Variants in LMBRD1 observed in about 807,000 individuals in gnomAD.
LMBRD1 encodes the protein lysosomal cobalamin transport escort protein LMBD1.
A neutral mutation model predicts 74.8 loss-of-function variants in LMBRD1; 64 were observed. That is an observed-to-expected ratio of 0.86 (90% CI 0.70 to 1.05). LMBRD1 has a LOEUF of 1.05. Among genes scored for constraint, LMBRD1 ranks in the 50% least tolerant of loss-of-function variants. LMBRD1 has a pLI of 0.00. For missense variants in LMBRD1, 652 were observed against 645.9 expected (o/e 1.01, Z -0.10); for synonymous variants, 204 against 216.3 (o/e 0.94, Z 0.50).
At chr6:69,697,515 A>G (rs1417516891) in intron 14 of LMBRD1, 48 bp downstream of exon 14, 1 of 1,267,956 alleles carries the variant, frequency 7.9e-7, no homozygotes, top group East Asian at 2.3e-5. Context: ...AAATGCCAGG[A>G]AATTCTTTTC....
intron 7 of LMBRD1, among the ~76,000 whole-genome samples, chr6:69,736,575 A>C (rs1766982831): frequency 1.3e-5 from 2 of 152,202 alleles, no homozygotes; most frequent in Admixed American, 1.3e-4. Flanking sequence ...CTTGACATTG[A>C]CATTACATAC....
intron 14 of LMBRD1, among the ~76,000 whole-genome samples, chr6:69,691,257 C>T (rs1765873022): frequency 6.6e-6 from 1 of 150,510 alleles, no homozygotes; most frequent in African/African-American, 2.4e-5. Context: ...AAACTGGAAT[C>T]CAGACATTTG....
At chr6:69,779,169 G>C (rs2502546) in intron 3 of LMBRD1, among the ~76,000 whole-genome samples, 2,013 of 135,878 alleles carry the variant, frequency 0.015, 32 homozygotes, top group East Asian at 0.081. Context: ...CTGGGCAACA[G>C]GGCGAGACTC....
intron 3 of LMBRD1, among the ~76,000 whole-genome samples, chr6:69,777,844 TA>T (rs749815503): frequency 6.6e-6 from 1 of 152,256 alleles, no homozygotes; most frequent in Non-Finnish European, 1.5e-5. Flanking sequence ...AAGAGATGGA[TA>T]AAAACTGTGT....
chr6:69,741,814 G>T lies in LMBRD1; in HGVS notation c.537C>A (p.Ser179=). 1 of 1,601,086 alleles carries T rather than the reference G, an allele frequency of 6.2e-7. No homozygotes were observed. The highest frequency in any genetic ancestry group is 2.2e-5 in the East Asian group (1 of 44,734). ...KNSTEWEKVK[S]LFEELGSSHG... is the part of the protein sequence containing the mutation. ...GACTACTTCCAAGTTCTTCAAATAG[G>T]GACTTCACTTTTTCCCACTCTGTAG... Residue 179 remains serine (S), a synonymous_variant, in exon 6 of 16, where the codon TCC becomes TCA. Transcript: ENST00000649934.
chr6:69,769,742 G>GT lies in LMBRD1; in HGVS notation c.307+10751dup, dbSNP rs58498427. 2.4e-3 allele frequency among the ~76,000 whole-genome samples: 355 copies of GT among 144,966 alleles called. 4 individuals are homozygous for GT. Among genetic ancestry groups the GT allele is most frequent in the African/African-American group, 3.2e-3 (129 of 40,142 alleles). On this transcript the variant is annotated intron_variant, in intron 3 of 15. Coordinates refer to ENST00000649934, the MANE Select transcript of LMBRD1 (RefSeq NM_018368.4). The stretch of plus-strand genomic sequence containing the variant: ...TATTTTTTTTAACGATTTTTTTAGT[G>GT]TTTTTTTTTTTTAATTTTTATCCCA...
intron 3 of LMBRD1, among the ~76,000 whole-genome samples, chr6:69,767,264 C>T (rs896936745): frequency 7.3e-5 from 11 of 151,242 alleles, no homozygotes; most frequent in Admixed American, 5.3e-4. Context: ...TCAGTTTGCT[C>T]TTCTTTTTCT....
chr6:69,707,967 G>T (rs1356376781), intron 9 of LMBRD1, among the ~76,000 whole-genome samples: 1 of 151,766 alleles, frequency 6.6e-6, no homozygotes, highest in East Asian at 1.9e-4. Flanking sequence ...ATAGACTGAG[G>T]CATATATATT....
intron 1 of LMBRD1, among the ~76,000 whole-genome samples, chr6:69,794,843 C>T (rs1185561196): frequency 6.6e-6 from 1 of 152,160 alleles, no homozygotes; most frequent in South Asian, 2.1e-4. Context: ...GTGGCCATGG[C>T]ATCATGTTAT....
intron 6 of LMBRD1, among the ~76,000 whole-genome samples, chr6:69,739,363 A>C (rs1767047271): frequency 6.6e-6 from 1 of 152,148 alleles, no homozygotes; most frequent in East Asian, 1.9e-4. Context: ...AGATACCTGA[A>C]GATGCATTCT....
chr6:69,736,198 C>G (rs954299504), intron 7 of LMBRD1, among the ~76,000 whole-genome samples: 1 of 152,166 alleles, frequency 6.6e-6, no homozygotes, highest in Non-Finnish European at 1.5e-5. Context: ...TTGACCCCCC[C>G]TCCGCCGACC....
chr6:69,705,224 T>C, intron 9 of LMBRD1: 1 of 636,516 alleles, frequency 1.6e-6, no homozygotes, highest in Non-Finnish European at 2.9e-6. Flanking sequence ...GACAGCCAGA[T>C]ATCAACTGCT....
chr6:69,718,973 G>C lies in LMBRD1; in HGVS notation c.745C>G (p.Gln249Glu), dbSNP rs549001067. 6.2e-7 allele frequency: 1 copy of C among 1,613,402 alleles called. No individual in the cohort carries two copies. The highest frequency in any genetic ancestry group is 1.1e-5 in the South Asian group (1 of 91,058). ...CAACTCACTTTTGATTTAATCGTTT[G>C]AATGTGTTGTTCTACTTCTTCAATG... ...EDIEEVEQHI[Q>E]TIKSKSKDGR... The change falls in exon 8 of 16, where the codon CAA becomes GAA. Residue 249 changes from glutamine (Q) to glutamate (E), a missense_variant. Physicochemically the swap from Gln to Glu is conservative, Grantham distance 29. Around this residue, in one of 3 missense-constraint regions of LMBRD1, gnomAD observed 598 missense variants for 581.8 expected, o/e 1.03. Transcript: ENST00000649934.
intron 4 of LMBRD1, among the ~76,000 whole-genome samples, chr6:69,751,249 A>G (rs1248522794): frequency 2.0e-5 from 3 of 152,080 alleles, no homozygotes; most frequent in Non-Finnish European, 4.4e-5. Flanking sequence ...AGTTGTTTAT[A>G]CCAATACTTA....
rs1765522479 is a variant in LMBRD1, at chr6:69,675,294, C to T, written c.*864G>A. 6.6e-6 allele frequency among the ~76,000 whole-genome samples: 1 copy of T among 152,100 alleles called. No individual in the cohort carries two copies. Among genetic ancestry groups the T allele is most frequent in the Admixed American group, 6.6e-5 (1 of 15,264 alleles). ...GAATATAATTTTTTATTATTTCTCA[C>T]TATCCAGAATGTGTTCAAAATACCC... is the stretch of plus-strand genomic sequence containing the variant. On this transcript the variant is annotated 3_prime_UTR_variant, in exon 16 of 16. Coordinates refer to ENST00000649934, the MANE Select transcript of LMBRD1 (RefSeq NM_018368.4).
intron 6 of LMBRD1, among the ~76,000 whole-genome samples, chr6:69,739,629 T>C (rs1187344958): frequency 1.3e-5 from 2 of 152,128 alleles, no homozygotes; most frequent in African/African-American, 4.8e-5. Flanking sequence ...ATAACTAATA[T>C]ATAGTGGCAG....
chr6:69,758,883 C>A (rs1765319195), intron 3 of LMBRD1, among the ~76,000 whole-genome samples: 1 of 152,010 alleles, frequency 6.6e-6, no homozygotes, highest in South Asian at 2.1e-4. Flanking sequence ...CACAGAAAAT[C>A]CCATGGGTTC....
At chr6:69,773,648 T>C (rs933611184) in intron 3 of LMBRD1, among the ~76,000 whole-genome samples, 3 of 152,186 alleles carry the variant, frequency 2.0e-5, no homozygotes, top group Admixed American at 6.5e-5. Flanking sequence ...TACTACAAAA[T>C]TGTTTTAACA....
At chr6:69,749,251 T>A in intron 5 of LMBRD1, 90 bp downstream of exon 5, 1 of 1,002,086 alleles carries the variant, frequency 1.0e-6, no homozygotes, top group Non-Finnish European at 1.5e-6. Context: ...TTTTTTTCTT[T>A]CCTAGATTTT....
Sources: gnomAD v4.1 joint callset for allele counts (sites outside exome capture counted in the v4.1 genomes callset) on GRCh38, gnomAD v4.1.1 for gene constraint, gnomAD v4.1.1 regional missense constraint, MANE v1.5 for transcripts, NCBI Gene and HGNC (gene_info 2026-07-23, HGNC 2026-07-21) for gene names.